The following ANXA8 variants were observed in gnomAD, a reference collection of about 807,000 sequenced individuals.
ANXA8 encodes VAC-beta.
Under a neutral mutation model 26.8 loss-of-function variants are expected in ANXA8, and 9 were observed. The ratio of observed to expected loss-of-function variants is 0.34; its 90% CI spans 0.20 to 0.59. ANXA8 has a LOEUF of 0.59. Among genes scored for constraint, ANXA8 ranks in the 20% least tolerant of loss-of-function variants. ANXA8 has a pLI of 0.84. For synonymous variants in ANXA8, 39 were observed against 94.8 expected, an observed-to-expected ratio of 0.41 and a Z score of 3.42; for missense variants, 83 against 238.5, an observed-to-expected ratio of 0.35 and a Z score of 4.29.
the ANXA8 span, among the ~76,000 whole-genome samples, chr10:47,947,875 G>A: frequency 6.6e-6 from 1 of 150,802 alleles, no homozygotes; most frequent in East Asian, 2.0e-4. Flanking sequence ...TGTCTATCAT[G>A]AAACTCCAGG....
the ANXA8 span, among the ~76,000 whole-genome samples, chr10:47,921,509 T>G: frequency 1.3e-5 from 2 of 151,320 alleles, no homozygotes; most frequent in South Asian, 4.2e-4. Context: ...CCAACTTCTT[T>G]ATCATCAGAA....
chr10:47,955,770 TTAGGCTACA>T, the ANXA8 span, among the ~76,000 whole-genome samples: 1 of 142,188 alleles, frequency 7.0e-6, no homozygotes, highest in Non-Finnish European at 1.5e-5. Flanking sequence ...CACTATAAAC[TTAGGCTACA>T]CTAAATGTAT....
At chr10:47,570,789 GAAAT>G in the ANXA8 span, among the ~76,000 whole-genome samples, 3 of 149,772 alleles carry the variant, frequency 2.0e-5, no homozygotes, top group African/African-American at 7.5e-5. Flanking sequence ...AAAGAGAAAA[GAAAT>G]AAAGCTATTC....
intron 1 of ANXA8, among the ~76,000 whole-genome samples, chr10:47,480,903 T>A (rs1431035114): frequency 7.9e-6 from 1 of 126,806 alleles, no homozygotes; most frequent in Non-Finnish European, 1.7e-5. Flanking sequence ...CATCCATCCA[T>A]CCATCGAAGC....
the ANXA8 span, among the ~76,000 whole-genome samples, chr10:47,681,992 C>T: frequency 1.7e-3 from 245 of 148,258 alleles, 2 homozygotes; most frequent in African/African-American, 5.8e-3. Context: ...ATCCAAAAAA[C>T]TCTTATCCCA....
chr10:47,675,483 C>T, the ANXA8 span, among the ~76,000 whole-genome samples: 2 of 151,862 alleles, frequency 1.3e-5, no homozygotes, highest in Admixed American at 1.3e-4. Flanking sequence ...AGATCCCAGA[C>T]CTGCTCAAGT....
the ANXA8 span, among the ~76,000 whole-genome samples, chr10:47,939,060 A>C: frequency 3.5e-5 from 5 of 144,904 alleles, 1 homozygote; most frequent in African/African-American, 5.4e-5. Flanking sequence ...CCACACTCTC[A>C]CTTTCTCTTT....
chr10:47,528,378 A>G, the ANXA8 span, among the ~76,000 whole-genome samples: 1 of 110,408 alleles, frequency 9.1e-6, no homozygotes, highest in Non-Finnish European at 1.8e-5. Context: ...GCACCCGGCT[A>G]GACTTAAAAA....
At chr10:47,510,244 A>G in the ANXA8 span, 26 of 1,417,112 alleles carry the variant, frequency 1.8e-5, 1 homozygote, top group Non-Finnish European at 2.4e-5. Context: ...CACGAGCTGT[A>G]TTGTTGACTG....
the ANXA8 span, chr10:47,588,800 T>C: frequency 2.3e-5 from 3 of 132,986 alleles, no homozygotes; most frequent in African/African-American, 3.6e-5. Flanking sequence ...ACCCTCACTG[T>C]CTTTCTCTCT....
chr10:47,497,342 G>A, the ANXA8 span, among the ~76,000 whole-genome samples: 10 of 133,502 alleles, frequency 7.5e-5, no homozygotes, highest in South Asian at 2.5e-4. Flanking sequence ...AAGGCCAGGC[G>A]CAATGGCTCA....
the ANXA8 span, among the ~76,000 whole-genome samples, chr10:47,653,952 A>G: frequency 6.7e-6 from 1 of 150,318 alleles, no homozygotes; most frequent in Non-Finnish European, 1.5e-5. Flanking sequence ...AGCATAAGTC[A>G]TATTTAAAAC....
the ANXA8 span, among the ~76,000 whole-genome samples, chr10:47,593,921 A>AC: frequency 2.1e-5 from 3 of 144,932 alleles, no homozygotes; most frequent in Non-Finnish European, 4.5e-5. Flanking sequence ...CACGGCTAGG[A>AC]CAAAGCAGGC....
the ANXA8 span, among the ~76,000 whole-genome samples, chr10:47,651,193 C>T: frequency 6.6e-6 from 1 of 150,992 alleles, no homozygotes; most frequent in African/African-American, 2.4e-5. Flanking sequence ...GAGCAAGACC[C>T]TGTCTCTAAA....
the ANXA8 span, among the ~76,000 whole-genome samples, chr10:47,896,389 G>GTAATTAGAGATTACATAATTACATA: frequency 1.3e-5 from 2 of 151,420 alleles, no homozygotes; most frequent in Admixed American, 6.6e-5. Context: ...TGTAACTTCT[G>GTAATTAGAGATTACATAATTACATA]AGCACATGCA....
chr10:47,918,374 AGAGAG>A, the ANXA8 span, among the ~76,000 whole-genome samples: 3 of 19,696 alleles, frequency 1.5e-4, no homozygotes, highest in African/African-American at 1.0e-3. Flanking sequence ...AGAGAGAGAG[AGAGAG>A]AGAGAGAAAG....
At chr10:47,586,322 C>T in the ANXA8 span, among the ~76,000 whole-genome samples, 1 of 144,374 alleles carries the variant, frequency 6.9e-6, no homozygotes, top group Non-Finnish European at 1.5e-5. Flanking sequence ...CTCCCTTACC[C>T]TTCATGTTCC....
chr10:47,566,386 G>GAA, the ANXA8 span, among the ~76,000 whole-genome samples: 3 of 130,502 alleles, frequency 2.3e-5, no homozygotes, highest in Non-Finnish European at 3.3e-5. Context: ...AGAGAAAGTT[G>GAA]AAAAAAAAAA....
the ANXA8 span, among the ~76,000 whole-genome samples, chr10:47,647,474 T>TA: frequency 1.3e-5 from 2 of 150,086 alleles, no homozygotes; most frequent in Non-Finnish European, 3.0e-5. Context: ...ATTCCGAGAT[T>TA]AAAAAATTGC....
Sources: gnomAD v4.1 joint callset for allele counts (sites outside exome capture counted in the v4.1 genomes callset) on GRCh38, gnomAD v4.1.1 for gene constraint, MANE v1.5 for transcripts, NCBI Gene and HGNC (gene_info 2026-07-23, HGNC 2026-07-21) for gene names.